RIT2: variants seen among roughly 807,000 people sequenced by gnomAD.
RIT2 encodes Ras like without CAAX 2, also known as GTP-binding protein Rit2.
RIT2 carries 24 observed loss-of-function variants against 23.7 expected under a neutral mutation model. That is an observed-to-expected ratio of 1.01 (90% CI 0.73 to 1.43). RIT2 has a LOEUF of 1.43. Ranked by LOEUF, RIT2 falls within the 40% of genes most tolerant of loss-of-function variation. The pLI is 0.00. For missense variants in RIT2, 236 were observed against 266.9 expected (o/e 0.88, Z 0.81); for synonymous variants, 107 against 91.1 (o/e 1.17, Z -0.99).
At chr18:42,791,599 T>C (rs1383830799) in intron 4 of RIT2, among the ~76,000 whole-genome samples, 1 of 152,236 alleles carries the variant, frequency 6.6e-6, no homozygotes, top group Non-Finnish European at 1.5e-5. Flanking sequence ...AGTCTGTTTT[T>C]CTAAGATTGT....
At chr18:42,919,847 C>T (rs892147496) in intron 4 of RIT2, among the ~76,000 whole-genome samples, 3 of 152,008 alleles carry the variant, frequency 2.0e-5, no homozygotes, top group Admixed American at 6.6e-5. Flanking sequence ...AAGAGAAATC[C>T]GGGCCTATCT....
intron 1 of RIT2, among the ~76,000 whole-genome samples, chr18:43,066,946 T>A (rs1439868093): frequency 2.0e-5 from 3 of 149,982 alleles, no homozygotes; most frequent in Non-Finnish European, 4.4e-5. Context: ...AGTAAATTGA[T>A]GTTAAGGAGT....
intron 2 of RIT2, among the ~76,000 whole-genome samples, chr18:43,001,890 G>C (rs963099919): frequency 6.6e-6 from 1 of 151,974 alleles, no homozygotes; most frequent in Non-Finnish European, 1.5e-5. Context: ...AGCTGGAGTA[G>C]ATGTGTGTGC....
At chr18:42,822,689 G>C (rs1376657550) in intron 4 of RIT2, among the ~76,000 whole-genome samples, 2 of 151,902 alleles carry the variant, frequency 1.3e-5, no homozygotes, top group Non-Finnish European at 2.9e-5. Context: ...TTCTGCTAAA[G>C]GTTTATCAAT....
At chr18:43,030,217 AAAAG>A (rs1260796084) in intron 2 of RIT2, among the ~76,000 whole-genome samples, 2 of 152,108 alleles carry the variant, frequency 1.3e-5, no homozygotes, top group African/African-American at 4.8e-5. Flanking sequence ...AAGAATGCAT[AAAAG>A]AAAGGCTTAT....
At chr18:42,775,312 CT>C (rs1913642061) in intron 4 of RIT2, among the ~76,000 whole-genome samples, 1 of 152,120 alleles carries the variant, frequency 6.6e-6, no homozygotes, top group East Asian at 1.9e-4. Context: ...AGTGACATGG[CT>C]TCATACAATC....
At chr18:42,840,558 A>G (rs1393747097) in intron 4 of RIT2, among the ~76,000 whole-genome samples, 1 of 148,182 alleles carries the variant, frequency 6.7e-6, no homozygotes, top group East Asian at 2.0e-4. Flanking sequence ...GCTGGAGTGC[A>G]ATGCTCAGTC....
At chr18:43,039,921 T>C (rs558774836) in intron 1 of RIT2, among the ~76,000 whole-genome samples, 2 of 152,198 alleles carry the variant, frequency 1.3e-5, no homozygotes, top group Non-Finnish European at 2.9e-5. Context: ...AGGTCAAATA[T>C]GAACTAAACA....
chr18:43,001,297 A>G lies in RIT2; in HGVS notation c.161-27150T>C, dbSNP rs117367490. On this transcript the variant is annotated intron_variant, in intron 2 of 4. Transcript: ENST00000326695. ...AATGTCAGTTTTTTAAAGGGCTTCAATGTAGGCAGAAAATTTTATTGTGGC... is the reference window on the plus strand; with the variant it reads ...AATGTCAGTTTTTTAAAGGGCTTCAGTGTAGGCAGAAAATTTTATTGTGGC... Among the ~76,000 whole-genome samples the G allele has an allele frequency of 3.3e-3, 496 of 152,130 alleles. 6 individuals carry two copies. The highest frequency in any genetic ancestry group is 3.4e-3 in the Non-Finnish European group (229 of 67,950).
chr18:43,104,726 T>C (rs966517606), intron 1 of RIT2, among the ~76,000 whole-genome samples: 1 of 152,034 alleles, frequency 6.6e-6, no homozygotes, highest in Non-Finnish European at 1.5e-5. Flanking sequence ...TAAATAAATA[T>C]AATAGGCAGG....
At chr18:43,109,243 A>G (rs1379864765) in intron 1 of RIT2, among the ~76,000 whole-genome samples, 1 of 152,226 alleles carries the variant, frequency 6.6e-6, no homozygotes, top group Non-Finnish European at 1.5e-5. Flanking sequence ...TTTATTTTAG[A>G]AATCAGTTTT....
chr18:42,956,161 G>A (rs1367463606), intron 3 of RIT2, among the ~76,000 whole-genome samples: 1 of 152,116 alleles, frequency 6.6e-6, no homozygotes, highest in Admixed American at 6.6e-5. Context: ...GAGTTTTGAA[G>A]TGATTCTTAA....
At chr18:42,948,463 T>C (rs1259284626) in intron 3 of RIT2, among the ~76,000 whole-genome samples, 1 of 152,012 alleles carries the variant, frequency 6.6e-6, no homozygotes, top group East Asian at 1.9e-4. Context: ...ACAGGTGTCT[T>C]GTTATAGAAT....
chr18:42,927,989 A>G (rs1287020227), intron 3 of RIT2, among the ~76,000 whole-genome samples: 1 of 152,024 alleles, frequency 6.6e-6, no homozygotes, highest in East Asian at 1.9e-4. Flanking sequence ...TACTACAAAG[A>G]TATGAATGCC....
chr18:42,964,219 T>TA (rs1001837972), intron 3 of RIT2, among the ~76,000 whole-genome samples: 2 of 151,140 alleles, frequency 1.3e-5, no homozygotes, highest in African/African-American at 4.9e-5. Flanking sequence ...ATAAATATAA[T>TA]AAAAAAATAA....
intron 3 of RIT2, among the ~76,000 whole-genome samples, chr18:42,941,271 T>G (rs1909593273): frequency 6.6e-6 from 1 of 152,072 alleles, no homozygotes; most frequent in Non-Finnish European, 1.5e-5. Context: ...AGAATTGGGA[T>G]AAGAACCCGT....
At chr18:43,094,061 T>C (rs1913487267) in intron 1 of RIT2, among the ~76,000 whole-genome samples, 3 of 151,186 alleles carry the variant, frequency 2.0e-5, no homozygotes, top group African/African-American at 7.3e-5. Context: ...TATTTAAAAA[T>C]TCAAAATTTA....
intron 1 of RIT2, among the ~76,000 whole-genome samples, chr18:43,109,115 C>T (rs1020447786): frequency 6.6e-6 from 1 of 152,210 alleles, no homozygotes; most frequent in Non-Finnish European, 1.5e-5. Context: ...TGGTTGTGTG[C>T]TGCTTTCCGT....
chr18:43,102,304 G>A (rs1420083081), intron 1 of RIT2, among the ~76,000 whole-genome samples: 1 of 152,112 alleles, frequency 6.6e-6, no homozygotes, highest in Non-Finnish European at 1.5e-5. Flanking sequence ...AGAAACAATT[G>A]TTCTTTGTTA....
Sources: gnomAD v4.1 joint callset for allele counts (sites outside exome capture counted in the v4.1 genomes callset) on GRCh38, gnomAD v4.1.1 for gene constraint, MANE v1.5 for transcripts, NCBI Gene and HGNC (gene_info 2026-07-23, HGNC 2026-07-21) for gene names.